PLEKHA7: variants seen among roughly 807,000 people sequenced by gnomAD.
PLEKHA7 encodes pleckstrin homology domain containing A7.
Under a neutral mutation model 170.0 loss-of-function variants are expected in PLEKHA7, and 104 were observed. That is an observed-to-expected ratio of 0.61 (90% CI 0.52 to 0.72). The LOEUF is 0.72. PLEKHA7 is among the 30% of genes least tolerant of loss of function. The pLI, the probability that PLEKHA7 is intolerant of heterozygous loss-of-function variation, is 0.00. For synonymous variants in PLEKHA7, 648 were observed against 660.8 expected (o/e 0.98, Z 0.30); for missense variants, 1,615 against 1,671.7 (o/e 0.97, Z 0.59).
chr11:16,941,781 A>G (rs908463120), intron 3 of PLEKHA7, among the ~76,000 whole-genome samples: 1 of 152,256 alleles, frequency 6.6e-6, no homozygotes, highest in African/African-American at 2.4e-5. Context: ...TTGTACTTAA[A>G]ACCTTAAAAA....
intron 3 of PLEKHA7, among the ~76,000 whole-genome samples, chr11:17,001,795 C>T (rs1159461344): frequency 6.6e-6 from 1 of 150,768 alleles, no homozygotes; most frequent in East Asian, 2.0e-4. Context: ...AGACTGCACA[C>T]TAACTCCAAG....
chr11:16,795,110 C>T, intron 17 of PLEKHA7, 92 bp from the exon 18 acceptor site: 4 of 908,264 alleles, frequency 4.4e-6, no homozygotes, highest in Non-Finnish European at 7.3e-6. Context: ...AGCCCCCCGC[C>T]CTGAGGGGCA....
intron 3 of PLEKHA7, among the ~76,000 whole-genome samples, chr11:16,959,277 A>T (rs921555443): frequency 6.6e-6 from 1 of 151,514 alleles, no homozygotes. Context: ...CTTTGCTCTC[A>T]TGAGTTCCCA....
intron 3 of PLEKHA7, among the ~76,000 whole-genome samples, chr11:16,880,263 G>A (rs1441226138): frequency 6.6e-6 from 1 of 152,196 alleles, no homozygotes; most frequent in Non-Finnish European, 1.5e-5. Context: ...GGAAGCCCAG[G>A]CAGATCAGAG....
intron 3 of PLEKHA7, among the ~76,000 whole-genome samples, chr11:16,970,980 G>C (rs1426638256): frequency 6.6e-6 from 1 of 152,146 alleles, no homozygotes; most frequent in East Asian, 1.9e-4. Flanking sequence ...CCTTTAAAGT[G>C]CTTTATCAAC....
At position 16,816,711 on chromosome 11, in the gene PLEKHA7, C is replaced by A. The variant is rs78146816; in HGVS notation, c.1866+89G>T. Reference sequence around the variant, plus strand: ...TAAGTATTAGCTATCATTATTATCCCAAATTACTCAAATTTGTGTTCAAAC... The same window carrying A: ...TAAGTATTAGCTATCATTATTATCCAAAATTACTCAAATTTGTGTTCAAAC... On this transcript the variant is annotated intron_variant, in intron 11 of 26. Transcript: ENST00000531066. 2,686 of 1,471,368 alleles carry A rather than the reference C, an allele frequency of 1.8e-3. 30 individuals are homozygous for A. In the African/African-American group the frequency reaches 0.034, roughly 19 times the overall value. The allele number at this position is 1,471,368 out of a possible 1,614,324, so 91.1% of individuals were successfully genotyped here. A position where few individuals can be genotyped will look rare whatever the true frequency, so the allele number is the denominator to read the frequency against.
intron 3 of PLEKHA7, among the ~76,000 whole-genome samples, chr11:16,970,023 C>T (rs942067871): frequency 1.3e-5 from 2 of 152,110 alleles, no homozygotes; most frequent in Non-Finnish European, 2.9e-5. Context: ...GATGATTTAA[C>T]CTGGAAAGGA....
intron 25 of PLEKHA7, among the ~76,000 whole-genome samples, chr11:16,783,216 C>G (rs1376799543): frequency 6.6e-6 from 1 of 152,188 alleles, no homozygotes; most frequent in Non-Finnish European, 1.5e-5. Context: ...GCTATTGAGG[C>G]TTAGGGGACA....
chr11:16,841,689 T>C lies in PLEKHA7; in HGVS notation c.730A>G (p.Asn244Asp), dbSNP rs764189811. 1.5e-5 allele frequency: 25 copies of C among 1,614,024 alleles called. No individual in the cohort carries two copies. Among genetic ancestry groups the C allele is most frequent in the Non-Finnish European group, 1.9e-5 (23 of 1,180,032 alleles). Reference protein sequence around the residue: ...VHTGMRALIYNSSTAGSQAEQ... With the variant: ...VHTGMRALIYDSSTAGSQAEQ... ...GCCTGAGAGCCCGCTGTGGAGCTGT[T>C]ATAGATGAGCGCTCGCATCCCCGTG... Residue 244 changes from asparagine to aspartate, a missense_variant, in exon 9 of 27, where the codon AAC (asparagine) becomes GAC (aspartate). By Grantham distance (23) the Asn-to-Asp change is conservative (BLOSUM62 1). Transcript: ENST00000531066.
chr11:16,980,564 C>T (rs1348968272), intron 3 of PLEKHA7, among the ~76,000 whole-genome samples: 1 of 152,192 alleles, frequency 6.6e-6, no homozygotes, highest in Non-Finnish European at 1.5e-5. Context: ...CAGAGAAGAA[C>T]ATGCTGTTCT....
chr11:16,958,430 G>T (rs1423282618), intron 3 of PLEKHA7, among the ~76,000 whole-genome samples: 3 of 152,174 alleles, frequency 2.0e-5, no homozygotes, highest in Non-Finnish European at 4.4e-5. Context: ...ATCTGTGTAT[G>T]CATGATTCCA....
At chr11:16,898,584 C>T (rs1857138785) in intron 3 of PLEKHA7, among the ~76,000 whole-genome samples, 2 of 152,156 alleles carry the variant, frequency 1.3e-5, no homozygotes, top group African/African-American at 2.4e-5. Flanking sequence ...AGCACTCTGC[C>T]CAGTCCATAG....
intron 3 of PLEKHA7, among the ~76,000 whole-genome samples, chr11:16,905,824 T>C (rs1282351281): frequency 2.0e-5 from 3 of 152,202 alleles, no homozygotes; most frequent in African/African-American, 4.8e-5. Flanking sequence ...ACAAACACTT[T>C]CAATATGAAG....
Position 16,826,495 on chromosome 11 carries a change from T to C in PLEKHA7, c.968A>G (p.Asp323Gly), listed in dbSNP as rs1202216991. The C allele has an allele frequency of 6.2e-7, 1 of 1,614,068 alleles. No individual in the cohort carries two copies. Among genetic ancestry groups the C allele is most frequent in the African/African-American group, 1.3e-5 (1 of 74,924 alleles). The change falls in exon 10 of 27, where the codon GAT becomes GGT. Residue 323 changes from aspartate to glycine, a missense_variant. Coordinates refer to ENST00000531066, the MANE Select transcript of PLEKHA7 (RefSeq NM_001329630.2). ...GTCATCATGGCCACGATGAGGACAA[T>C]CTCTCGTATGTCCGGGTCCCACCCG... ...CGRVGPGHTR[D>G]CPHRGHDDIV...
chr11:16,851,660 G>A (rs1436059576), intron 7 of PLEKHA7, among the ~76,000 whole-genome samples: 1 of 152,014 alleles, frequency 6.6e-6, no homozygotes, highest in Non-Finnish European at 1.5e-5. Context: ...TGTTAGCTAG[G>A]CTGGTCTCGA....
intron 13 of PLEKHA7, chr11:16,807,315 AG>A (rs1216162891): frequency 2.2e-6 from 1 of 445,916 alleles, no homozygotes; most frequent in African/African-American, 2.1e-5. Context: ...GAACTGGCAA[AG>A]GGAAAACTTT....
intron 3 of PLEKHA7, among the ~76,000 whole-genome samples, chr11:16,955,018 C>T (rs1249869632): frequency 6.6e-6 from 1 of 152,126 alleles, no homozygotes; most frequent in Non-Finnish European, 1.5e-5. Context: ...TATACTGTTT[C>T]ATTTGAAACA....
chr11:16,919,463 C>T (rs767018257), intron 3 of PLEKHA7, among the ~76,000 whole-genome samples: 19 of 151,916 alleles, frequency 1.3e-4, no homozygotes, highest in Non-Finnish European at 2.1e-4. Context: ...TCACTTGAGG[C>T]CAGGAGTTCT....
chr11:16,790,091 G>C, intron 21 of PLEKHA7: 1 of 569,294 alleles, frequency 1.8e-6, no homozygotes, highest in Admixed American at 3.1e-5. Flanking sequence ...ATGGGGGGCA[G>C]TGTCCCTGCA....
Sources: allele counts gnomAD v4.1 joint callset (sites outside exome capture counted in the v4.1 genomes callset), GRCh38; gene constraint gnomAD v4.1.1; transcripts MANE v1.5; gene names NCBI Gene and HGNC (gene_info 2026-07-23, HGNC 2026-07-21).